Variants in SPACA7 observed in about 807,000 individuals in gnomAD.
The protein encoded by SPACA7 is sperm acrosome associated 7, also known as sperm acrosome-associated protein 7.
Under a neutral mutation model 26.3 loss-of-function variants are expected in SPACA7, and 19 were observed. The ratio of observed to expected loss-of-function variants is 0.72; its 90% CI spans 0.50 to 1.06. The LOEUF is 1.06. SPACA7 is among the 50% of genes least tolerant of loss of function. The pLI, the probability that SPACA7 is intolerant of heterozygous loss-of-function variation, is 0.00. For missense variants in SPACA7, 211 were observed against 229.9 expected (o/e 0.92, Z 0.53); for synonymous variants, 84 against 84.5 (o/e 0.99, Z 0.04).
At chr13:112,402,538 T>C (rs1328328109) in intron 5 of SPACA7, among the ~76,000 whole-genome samples, 3 of 152,244 alleles carry the variant, frequency 2.0e-5, no homozygotes, top group Non-Finnish European at 4.4e-5. Flanking sequence ...CTTGCCTAAT[T>C]GCATTGACTG....
intron 5 of SPACA7, among the ~76,000 whole-genome samples, chr13:112,401,901 G>A (rs1885669483): frequency 6.6e-6 from 1 of 152,140 alleles, no homozygotes; most frequent in Non-Finnish European, 1.5e-5. Flanking sequence ...TTTTCTGTAT[G>A]TGACTGTCCT....
intron 2 of SPACA7, among the ~76,000 whole-genome samples, chr13:112,394,140 G>A (rs1307662889): frequency 1.3e-5 from 2 of 152,082 alleles, no homozygotes; most frequent in African/African-American, 2.4e-5. Context: ...TTGCCTTCAC[G>A]GCCATTTCCA....
intron 5 of SPACA7, among the ~76,000 whole-genome samples, chr13:112,425,989 GT>G (rs1876500745): frequency 6.6e-6 from 1 of 152,186 alleles, no homozygotes; most frequent in Non-Finnish European, 1.5e-5. Context: ...GTGTTCATAT[GT>G]TTAGTCACTA....
chr13:112,406,378 T>C (rs1333930467), intron 5 of SPACA7, among the ~76,000 whole-genome samples: 1 of 152,216 alleles, frequency 6.6e-6, no homozygotes, highest in Non-Finnish European at 1.5e-5. Context: ...TTATTTCACT[T>C]AGCATAATGT....
At chr13:112,424,329 T>C (rs533997338) in intron 5 of SPACA7, among the ~76,000 whole-genome samples, 56 of 152,320 alleles carry the variant, frequency 3.7e-4, no homozygotes, top group African/African-American at 1.3e-3. Flanking sequence ...CTCATCACAC[T>C]GAAGTGGAGC....
chr13:112,402,798 T>C (rs983729327), intron 5 of SPACA7, among the ~76,000 whole-genome samples: 1 of 152,210 alleles, frequency 6.6e-6, no homozygotes, highest in Non-Finnish European at 1.5e-5. Context: ...ATGATATTAA[T>C]GAGTTTCCTA....
intron 5 of SPACA7, among the ~76,000 whole-genome samples, chr13:112,417,101 C>A (rs1000724832): frequency 2.0e-5 from 3 of 151,792 alleles, no homozygotes; most frequent in African/African-American, 7.3e-5. Flanking sequence ...AATGGTTTTA[C>A]TGGGATACAT....
intron 5 of SPACA7, 88 bp from the exon 6 acceptor site, chr13:112,432,356 T>C (rs1172856797): frequency 9.1e-7 from 1 of 1,100,182 alleles, no homozygotes. Flanking sequence ...TGCTCAGCGC[T>C]TACGGCTCCC....
intron 2 of SPACA7, among the ~76,000 whole-genome samples, chr13:112,396,739 G>A (rs944706698): frequency 2.6e-5 from 4 of 152,306 alleles, no homozygotes; most frequent in Middle Eastern, 6.8e-3. Context: ...CCCCTTGGCT[G>A]GGATCCTGGG....
chr13:112,392,454 G>C (rs774368074), intron 1 of SPACA7, among the ~76,000 whole-genome samples: 10 of 152,204 alleles, frequency 6.6e-5, no homozygotes, highest in Non-Finnish European at 1.2e-4. Context: ...GAGGAGAAAG[G>C]GGGGTGGCCC....
At chr13:112,413,205 T>C (rs1886461015) in intron 5 of SPACA7, among the ~76,000 whole-genome samples, 1 of 152,334 alleles carries the variant, frequency 6.6e-6, no homozygotes, top group Non-Finnish European at 1.5e-5. Flanking sequence ...TTGTTGCACA[T>C]TAGCACCCTT....
At chr13:112,409,238 G>A (rs1248957810) in intron 5 of SPACA7, among the ~76,000 whole-genome samples, 1 of 152,154 alleles carries the variant, frequency 6.6e-6, no homozygotes, top group African/African-American at 2.4e-5. Flanking sequence ...AGACTTAAAT[G>A]TTAGACCTAA....
intron 5 of SPACA7, among the ~76,000 whole-genome samples, chr13:112,405,663 TG>T (rs1335670570): frequency 6.6e-6 from 1 of 152,186 alleles, no homozygotes; most frequent in African/African-American, 2.4e-5. Flanking sequence ...TGGAATCTGG[TG>T]TGTGTTAATA....
Position 112,418,982 on chromosome 13 carries a change from A to T in SPACA7, c.446-13462A>T, listed in dbSNP as rs140914393. The stretch of plus-strand genomic sequence containing the variant: ...AGGTTGCAGTGAACTGAGATCATGC[A>T]CTGCACTCCAGCCTGGGAGACAAGA... On this transcript the variant is annotated intron_variant, in intron 5 of 6. Coordinates refer to ENST00000283550, the MANE Select transcript of SPACA7 (RefSeq NM_145248.5). 1.6e-3 allele frequency among the ~76,000 whole-genome samples: 241 copies of T among 151,992 alleles called. 1 individual carries two copies. The highest frequency in any genetic ancestry group is 5.7e-3 in the African/African-American group (235 of 41,434).
intron 5 of SPACA7, among the ~76,000 whole-genome samples, chr13:112,425,388 C>G (rs1379358283): frequency 2.0e-5 from 3 of 152,196 alleles, no homozygotes; most frequent in African/African-American, 7.2e-5. Context: ...GGAAACATGC[C>G]TTCTCCCTGG....
intron 1 of SPACA7, among the ~76,000 whole-genome samples, chr13:112,388,216 T>C (rs1164498706): frequency 2.0e-5 from 3 of 152,182 alleles, no homozygotes; most frequent in African/African-American, 4.8e-5. Context: ...CCTTTCAAAC[T>C]ATCCTCCTAT....
chr13:112,377,567 A>G (rs1280004238), intron 1 of SPACA7, among the ~76,000 whole-genome samples: 9 of 152,208 alleles, frequency 5.9e-5, no homozygotes. Context: ...GAATTTGATC[A>G]GATATCAAGG....
intron 5 of SPACA7, among the ~76,000 whole-genome samples, chr13:112,403,471 T>A (rs1885774793): frequency 6.6e-6 from 1 of 152,152 alleles, no homozygotes; most frequent in Non-Finnish European, 1.5e-5. Context: ...TGGTGTTTGG[T>A]TACATGAATA....
chr13:112,391,495 A>G (rs1310357201), intron 1 of SPACA7, among the ~76,000 whole-genome samples: 2 of 152,228 alleles, frequency 1.3e-5, no homozygotes, highest in Admixed American at 6.5e-5. Flanking sequence ...AGAACTCCAC[A>G]GGGAACCCTT....
Sources: allele counts gnomAD v4.1 joint callset (sites outside exome capture counted in the v4.1 genomes callset), GRCh38; gene constraint gnomAD v4.1.1; transcripts MANE v1.5; gene names NCBI Gene and HGNC (gene_info 2026-07-23, HGNC 2026-07-21).